RCC2: variants seen among roughly 807,000 people sequenced by gnomAD.
RCC2 encodes the protein protein RCC2.
Under a neutral mutation model 64.1 loss-of-function variants are expected in RCC2, and 19 were observed. The ratio of observed to expected loss-of-function variants is 0.30; its 90% CI spans 0.21 to 0.44. The LOEUF is 0.44. Among genes scored for constraint, RCC2 ranks in the 20% least tolerant of loss-of-function variants. The pLI is 1.00. For missense variants in RCC2, 508 were observed against 710.4 expected (o/e 0.72, Z 3.24); for synonymous variants, 325 against 279.6 (o/e 1.16, Z -1.62).
intron 10 of RCC2, 68 bp downstream of exon 10, chr1:17,413,005 C>T: frequency 8.5e-7 from 1 of 1,180,818 alleles, no homozygotes; most frequent in African/African-American, 1.5e-5. Flanking sequence ...GAGGGGCACC[C>T]CATGGGTGTG....
In RCC2 at chr1:17,422,417, C is replaced by T. The variant is rs886530985; in HGVS notation, c.656-126G>A. On this transcript the variant is annotated intron_variant, in intron 5 of 12. Transcript: ENST00000375436. Reference sequence around the variant, plus strand: ...CCAGGCAGAAGGCAAGTGAGACTGCCCAAAAGCTGGCAGTGCAGACGCTTC... The same window carrying T: ...CCAGGCAGAAGGCAAGTGAGACTGCTCAAAAGCTGGCAGTGCAGACGCTTC... 11 of 889,280 alleles carry T rather than the reference C, an allele frequency of 1.2e-5. No individual in the cohort carries two copies. The Admixed American group carries it at 2.6e-4, about 21-fold the overall frequency. 55.1% of individuals were successfully genotyped at this position (889,280 alleles called of 1,614,324 possible).
At chr1:17,419,630 G>A (rs997999275) in intron 7 of RCC2, among the ~76,000 whole-genome samples, 2 of 152,156 alleles carry the variant, frequency 1.3e-5, no homozygotes, top group African/African-American at 4.8e-5. Context: ...GTGCTTACAT[G>A]GTGCCTGGCA....
At chr1:17,419,670 C>T (rs561801544) in intron 7 of RCC2, among the ~76,000 whole-genome samples, 1 of 152,138 alleles carries the variant, frequency 6.6e-6, no homozygotes, top group Admixed American at 6.5e-5. Flanking sequence ...GAAAGTGAGC[C>T]GTTTTTATCA....
intron 10 of RCC2, 65 bp from the exon 11 acceptor site, chr1:17,412,259 C>G: frequency 6.7e-7 from 1 of 1,501,026 alleles, no homozygotes; most frequent in Non-Finnish European, 9.2e-7. Context: ...GCAGCTATGG[C>G]TCAAGGGCAT....
Position 17,429,131 on chromosome 1 carries a change from A to T in RCC2, c.354T>A (p.Gly118=), listed in dbSNP as rs755894325. ...IFGATNWDLI[G]RKEVPKQQAA... ...CTTGCTGTTTAGGCACTTCTTTTCG[A>T]CCAATCAAGTCCCAGTTGGTTGCCC... Residue 118 remains glycine (G), a synonymous_variant, in exon 3 of 13, where the codon GGT becomes GGA. Transcript: ENST00000375436. 5 of 1,614,142 alleles carry T rather than the reference A, an allele frequency of 3.1e-6. No homozygotes were observed. In the South Asian group the frequency reaches 5.5e-5, roughly 18 times the overall value.
rs1350815372 is a variant in RCC2, at chr1:17,407,158, G to GT, written c.*1931_*1932insA. 1.3e-5 allele frequency: 2 copies of GT among 152,212 alleles called. No individual in the cohort carries two copies. The highest frequency in any genetic ancestry group is 1.3e-4 in the Admixed American group (2 of 15,274). 9.4% of individuals were successfully genotyped at this position (152,212 alleles called of 1,614,324 possible). Reference sequence around the variant, plus strand: ...CTCCAGTCCCTGGGCTAGGGTTCTAGAAGAGGCTGGCTGCCACGTTTACAT... The same window carrying GT: ...CTCCAGTCCCTGGGCTAGGGTTCTAGTAAGAGGCTGGCTGCCACGTTTACAT... On this transcript the variant is annotated 3_prime_UTR_variant, in exon 13 of 13. Transcript: ENST00000375436.
At chr1:17,429,020 T>C in intron 3 of RCC2, 86 bp downstream of exon 3, 2 of 1,041,582 alleles carry the variant, frequency 1.9e-6, no homozygotes, top group Non-Finnish European at 3.0e-6. Context: ...CATTTGTAAA[T>C]GAAGGGAATA....
intron 10 of RCC2, among the ~76,000 whole-genome samples, chr1:17,412,788 A>G (rs1374210747): frequency 6.6e-6 from 1 of 152,250 alleles, no homozygotes; most frequent in African/African-American, 2.4e-5. Context: ...TTCAACCTGC[A>G]GCGTAGGAAT....
At chr1:17,428,271 A>C (rs1408421) in intron 3 of RCC2, among the ~76,000 whole-genome samples, 100,629 of 152,160 alleles carry the variant, frequency 0.66, 33,567 homozygotes, top group African/African-American at 0.74. Context: ...CCTGGGACAA[A>C]AGCCACCATG....
intron 7 of RCC2, among the ~76,000 whole-genome samples, chr1:17,419,023 C>T (rs1306700036): frequency 6.6e-6 from 1 of 152,168 alleles, no homozygotes; most frequent in Non-Finnish European, 1.5e-5. Context: ...AGCGGGCTTC[C>T]CTGTCCCTCT....
chr1:17,417,995 G>A (rs1460545869), intron 7 of RCC2, among the ~76,000 whole-genome samples: 1 of 152,054 alleles, frequency 6.6e-6, no homozygotes, highest in East Asian at 1.9e-4. Context: ...GTAATCTAGA[G>A]ATGATTTTAA....
chr1:17,435,021 T>A (rs1487968539), intron 2 of RCC2, among the ~76,000 whole-genome samples: 1 of 152,136 alleles, frequency 6.6e-6, no homozygotes, highest in Non-Finnish European at 1.5e-5. Flanking sequence ...GAGAGTTGCT[T>A]GAACCCAGGA....
rs567339819 is a variant in RCC2 at position 17,429,304 on chromosome 1, C to T, written c.286-105G>A. 3.2e-4 allele frequency: 278 copies of T among 863,212 alleles called. 2 individuals carry two copies. In the South Asian group the frequency reaches 3.7e-3, roughly 12 times the overall value. 53.5% of individuals were successfully genotyped at this position (863,212 alleles called of 1,614,324 possible). On this transcript the variant is annotated intron_variant, in intron 2 of 12. Coordinates refer to ENST00000375436, the MANE Select transcript of RCC2 (RefSeq NM_018715.4). ...AAACGAAAGAAAATCATTCAGTTAG[C>T]CCTTATGTCACCTGTGACCTCCACA...
intron 4 of RCC2, among the ~76,000 whole-genome samples, chr1:17,423,200 C>T (rs1198649015): frequency 3.3e-5 from 5 of 152,180 alleles, no homozygotes; most frequent in African/African-American, 7.2e-5. Context: ...ACAACCACCC[C>T]GTCCCTACCC....
chr1:17,420,655 C>G, intron 7 of RCC2, 59 bp downstream of exon 7: 2 of 1,100,938 alleles, frequency 1.8e-6, no homozygotes, highest in Non-Finnish European at 2.6e-6. Context: ...CCACACTGAT[C>G]TCTAGTTCTG....
intron 3 of RCC2, 138 bp downstream of exon 3, chr1:17,428,968 G>T: frequency 1.4e-6 from 1 of 691,780 alleles, no homozygotes; most frequent in Non-Finnish European, 2.6e-6. Context: ...CACTACAGTG[G>T]CTGTGTGGCC....
At chr1:17,422,942 T>A in intron 4 of RCC2, 106 bp from the exon 5 acceptor site, 1 of 1,404,424 alleles carries the variant, frequency 7.1e-7, no homozygotes, top group Non-Finnish European at 9.7e-7. Flanking sequence ...CATCTGTCTC[T>A]GGAAGGTACC....
intron 4 of RCC2, among the ~76,000 whole-genome samples, chr1:17,424,129 G>A (rs1290287261): frequency 1.3e-5 from 2 of 152,214 alleles, no homozygotes; most frequent in African/African-American, 4.8e-5. Flanking sequence ...GGCCACAGAT[G>A]GAGACCCCAC....
chr1:17,414,436 A>C (rs1282689615), intron 8 of RCC2, among the ~76,000 whole-genome samples: 1 of 151,394 alleles, frequency 6.6e-6, no homozygotes, highest in Non-Finnish European at 1.5e-5. Context: ...AGGCTGAGAC[A>C]GGAGAATCTC....
Sources: gnomAD v4.1 joint callset for allele counts (sites outside exome capture counted in the v4.1 genomes callset) on GRCh38, gnomAD v4.1.1 for gene constraint, MANE v1.5 for transcripts, NCBI Gene and HGNC (gene_info 2026-07-23, HGNC 2026-07-21) for gene names.